The following DCAF6 variants were observed in gnomAD, a reference collection of about 807,000 sequenced individuals.
DCAF6 encodes DDB1 and CUL4 associated factor 6, also known as DDB1- and CUL4-associated factor 6.
Under a neutral mutation model 125.1 loss-of-function variants are expected in DCAF6, and 54 were observed. The observed-to-expected ratio is 0.43, with a 90% CI of 0.35 to 0.54. The LOEUF is 0.54. Ranked by LOEUF, DCAF6 falls within the 20% of genes least tolerant of loss-of-function variation. The pLI, the probability that DCAF6 is intolerant of heterozygous loss-of-function variation, is 0.01. For missense variants in DCAF6, 934 were observed against 1,161.7 expected (o/e 0.80, Z 2.85); for synonymous variants, 371 against 390.4 (o/e 0.95, Z 0.58).
chr1:167,886,725 A>C, the DCAF6 span, among the ~76,000 whole-genome samples: 2 of 152,236 alleles, frequency 1.3e-5, no homozygotes, highest in East Asian at 1.9e-4. Context: ...AGAGCTTCTG[A>C]ACAGCAAAAG....
chr1:167,863,692 G>A, the DCAF6 span, among the ~76,000 whole-genome samples: 6 of 152,228 alleles, frequency 3.9e-5, no homozygotes, highest in African/African-American at 9.6e-5. Flanking sequence ...CCAGAGTGAC[G>A]CGGATCCTGA....
chr1:167,954,334 ATTCAC>A (rs1413552999), intron 2 of DCAF6, among the ~76,000 whole-genome samples: 1 of 152,062 alleles, frequency 6.6e-6, no homozygotes, highest in Non-Finnish European at 1.5e-5. Context: ...GTTTTCTAGT[ATTCAC>A]TTCAGCTGGT....
Position 168,075,031 on chromosome 1 carries a change from C to A in DCAF6, c.2792-340C>A, listed in dbSNP as rs1370057821. Among the ~76,000 whole-genome samples the A allele has an allele frequency of 1.2e-4, 19 of 152,210 alleles. No homozygotes were observed. In the East Asian group the frequency reaches 3.5e-3, roughly 28 times the overall value. ...CTCAACAATCGTCCACATATTTTCT[C>A]TCACACAGCTGCCTCCTCACTCCCC... On this transcript the variant is annotated intron_variant, in intron 21 of 21. Coordinates refer to ENST00000367840, the MANE Select transcript of DCAF6 (RefSeq NM_001198956.2).
chr1:167,890,081 G>A, the DCAF6 span, among the ~76,000 whole-genome samples: 2 of 152,206 alleles, frequency 1.3e-5, no homozygotes, highest in Non-Finnish European at 2.9e-5. Flanking sequence ...TTCCTTTGGT[G>A]AGGTCATGTT....
rs186173501 is a variant in DCAF6 at position 167,995,267 on chromosome 1, T to G, written c.903+1827T>G. On this transcript the variant is annotated intron_variant, in intron 7 of 21. Coordinates refer to ENST00000367840, the MANE Select transcript of DCAF6 (RefSeq NM_001198956.2). ...CATGGAATACTTAGCCAAAAGATAT[T>G]TATATAATCAGAGTGAATGAGGCTG... Among the ~76,000 whole-genome samples, 19 of 152,338 alleles carry G rather than the reference T, an allele frequency of 1.2e-4. No homozygotes were observed. In the East Asian group the frequency reaches 3.5e-3, roughly 28 times the overall value.
chr1:168,005,138 A>G (rs1571900189), intron 10 of DCAF6, among the ~76,000 whole-genome samples: 1 of 152,162 alleles, frequency 6.6e-6, no homozygotes, highest in South Asian at 2.1e-4. Context: ...TTTTATGTCT[A>G]TATTAAAGTG....
At chr1:167,981,753 C>T (rs1679195199) in intron 4 of DCAF6, among the ~76,000 whole-genome samples, 1 of 152,108 alleles carries the variant, frequency 6.6e-6, no homozygotes, top group African/African-American at 2.4e-5. Context: ...GTATATGTAC[C>T]ACATTTGCTT....
the DCAF6 span, among the ~76,000 whole-genome samples, chr1:167,922,153 TAGA>T: frequency 2.6e-5 from 4 of 152,172 alleles, no homozygotes; most frequent in African/African-American, 9.7e-5. Context: ...AAGTATCTAA[TAGA>T]AGAAGTCTCC....
chr1:168,061,089 C>G (rs1007920638), intron 17 of DCAF6, among the ~76,000 whole-genome samples: 1 of 152,090 alleles, frequency 6.6e-6, no homozygotes, highest in African/African-American at 2.4e-5. Flanking sequence ...AATGAGAGAT[C>G]CAAGCATATG....
intron 12 of DCAF6, among the ~76,000 whole-genome samples, chr1:168,037,180 A>C (rs1687942024): frequency 1.4e-5 from 2 of 142,438 alleles, no homozygotes; most frequent in Non-Finnish European, 3.0e-5. Flanking sequence ...TCCTCCCACC[A>C]CTGAGCCCCG....
chr1:167,970,857 C>T (rs1042394936), intron 3 of DCAF6, among the ~76,000 whole-genome samples: 1 of 151,980 alleles, frequency 6.6e-6, no homozygotes, highest in Non-Finnish European at 1.5e-5. Context: ...TGGAGATATT[C>T]CTTATTAATG....
the DCAF6 span, among the ~76,000 whole-genome samples, chr1:167,922,153 TAGAAGA>T: frequency 6.6e-6 from 1 of 152,290 alleles, no homozygotes; most frequent in East Asian, 1.9e-4. Flanking sequence ...AAGTATCTAA[TAGAAGA>T]AGTCTCCCCA....
chr1:168,003,267 A>T (rs963769232), intron 8 of DCAF6, among the ~76,000 whole-genome samples: 3 of 152,154 alleles, frequency 2.0e-5, no homozygotes, highest in Non-Finnish European at 4.4e-5. Flanking sequence ...CACATTTTGA[A>T]TTTGACATTA....
At chr1:167,876,033 G>T in the DCAF6 span, among the ~76,000 whole-genome samples, 2 of 152,152 alleles carry the variant, frequency 1.3e-5, no homozygotes, top group Non-Finnish European at 2.9e-5. Context: ...GAGGCAGGTG[G>T]ATCATCTGAG....
intron 1 of DCAF6, among the ~76,000 whole-genome samples, chr1:167,945,104 C>T (rs948666315): frequency 7.2e-5 from 11 of 152,084 alleles, no homozygotes; most frequent in Non-Finnish European, 1.2e-4. Flanking sequence ...TACCAGTAAC[C>T]TGCTGTTCTG....
the DCAF6 span, among the ~76,000 whole-genome samples, chr1:167,925,538 T>C: frequency 6.9e-6 from 1 of 144,922 alleles, no homozygotes; most frequent in Non-Finnish European, 1.5e-5. Context: ...TTTTTGGTTT[T>C]TTTTTTGGTT....
In DCAF6 at chr1:167,936,706, G is replaced by A. The variant is rs188299864; in HGVS notation, c.-206G>A. On this transcript the variant is annotated 5_prime_UTR_variant, in exon 1 of 22. Coordinates refer to ENST00000367840, the MANE Select transcript of DCAF6 (RefSeq NM_001198956.2). Reference sequence around the variant, plus strand: ...TTGGATGTTCTGGTTAGTCTAAGAAGGAGAGTATGAGGCGAGCTCCGGCCC... The same window carrying A: ...TTGGATGTTCTGGTTAGTCTAAGAAAGAGAGTATGAGGCGAGCTCCGGCCC... The A allele has an allele frequency of 2.1e-4, 120 of 575,010 alleles. No homozygotes were observed. The African/African-American group carries it at 2.1e-3, about 10-fold the overall frequency. 35.6% of individuals were successfully genotyped at this position (575,010 alleles called of 1,614,324 possible). A position where few individuals can be genotyped will look rare whatever the true frequency, so the allele number is the denominator to read the frequency against.
intron 17 of DCAF6, chr1:168,056,137 T>G: frequency 6.3e-7 from 1 of 1,595,002 alleles, no homozygotes; most frequent in South Asian, 1.1e-5. Flanking sequence ...TCATCTTGTT[T>G]GTTCAATTTT....
chr1:167,945,415 C>G (rs776294135), intron 1 of DCAF6, among the ~76,000 whole-genome samples: 2 of 152,052 alleles, frequency 1.3e-5, no homozygotes, highest in African/African-American at 4.8e-5. Context: ...TTGTAGTTCT[C>G]CTTGTAGGGA....
Sources: gnomAD v4.1 joint callset for allele counts (sites outside exome capture counted in the v4.1 genomes callset) on GRCh38, gnomAD v4.1.1 for gene constraint, MANE v1.5 for transcripts, NCBI Gene and HGNC (gene_info 2026-07-23, HGNC 2026-07-21) for gene names.